RNF175: variants seen among roughly 807,000 people sequenced by gnomAD.
RNF175 encodes ring finger protein 175.
A neutral mutation model predicts 50.0 loss-of-function variants in RNF175; 38 were observed. The ratio of observed to expected loss-of-function variants is 0.76; its 90% CI spans 0.59 to 1.00. RNF175 has a LOEUF of 1.00. RNF175 is among the 50% of genes least tolerant of loss of function. The pLI is 0.00. For synonymous variants in RNF175, 155 were observed against 146.1 expected (o/e 1.06, Z -0.44); for missense variants, 388 against 409.6 (o/e 0.95, Z 0.46).
At chr4:153,731,389 G>A (rs1432253921) in intron 3 of RNF175, among the ~76,000 whole-genome samples, 1 of 152,202 alleles carries the variant, frequency 6.6e-6, no homozygotes, top group African/African-American at 2.4e-5. Context: ...ATCTGGGCAT[G>A]TGTGTATAAA....
intron 7 of RNF175, 159 bp downstream of exon 7, chr4:153,715,370 G>A: frequency 1.4e-6 from 1 of 726,080 alleles, no homozygotes; most frequent in Non-Finnish European, 2.5e-6. Context: ...TATTCAGCAG[G>A]GACAAACAGG....
chr4:153,723,512 G>A, intron 4 of RNF175, 54 bp from the exon 5 acceptor site: 1 of 759,842 alleles, frequency 1.3e-6, no homozygotes. Flanking sequence ...AGAAAAATGG[G>A]GAGAAACACA....
chr4:153,723,627 G>A (rs1738487728), intron 4 of RNF175, among the ~76,000 whole-genome samples, 169 bp from the exon 5 acceptor site: 2 of 152,164 alleles, frequency 1.3e-5, no homozygotes, highest in Admixed American at 6.5e-5. Context: ...ATAGCAATAA[G>A]CATTATATGA....
In RNF175 at chr4:153,710,335, A is replaced by G. The variant is rs1737477425; in HGVS notation, c.*34T>C. The G allele has an allele frequency of 6.6e-7, 1 of 1,506,858 alleles. No individual in the cohort carries two copies. The highest frequency in any genetic ancestry group is 8.9e-7 in the Non-Finnish European group (1 of 1,118,726). 93.3% of individuals were successfully genotyped at this position (1,506,858 alleles called of 1,614,324 possible). A position where few individuals can be genotyped will look rare whatever the true frequency, so the allele number is the denominator to read the frequency against. On this transcript the variant is annotated 3_prime_UTR_variant, in exon 9 of 9. Coordinates refer to ENST00000347063, the MANE Select transcript of RNF175 (RefSeq NM_173662.4). ...ATTAAATGTTGGACCAAGGATTTCA[A>G]CCATGCAGTATGTTGCTTCTGGGGT...
At chr4:153,756,585 A>AT (rs1303431282) in intron 1 of RNF175, among the ~76,000 whole-genome samples, 1 of 151,988 alleles carries the variant, frequency 6.6e-6, no homozygotes, top group African/African-American at 2.4e-5. Context: ...CTCCACCCCT[A>AT]TGGCTTCTAT....
At chr4:153,726,797 T>G (rs1466200311) in intron 4 of RNF175, among the ~76,000 whole-genome samples, 1 of 152,220 alleles carries the variant, frequency 6.6e-6, no homozygotes, top group Non-Finnish European at 1.5e-5. Context: ...TGATGTCTCT[T>G]CAAATGGCAG....
intron 2 of RNF175, among the ~76,000 whole-genome samples, chr4:153,750,259 G>A (rs948150957): frequency 6.6e-6 from 1 of 152,088 alleles, no homozygotes; most frequent in Admixed American, 6.5e-5. Context: ...ACACCACAGG[G>A]TAACAGTCTG....
intron 1 of RNF175, among the ~76,000 whole-genome samples, chr4:153,759,460 G>A (rs1193256794): frequency 6.6e-6 from 1 of 152,210 alleles, no homozygotes; most frequent in Non-Finnish European, 1.5e-5. Context: ...GGGCACAGGC[G>A]GTCACAAAGG....
Position 153,737,972 on chromosome 4 carries a change from G to A in RNF175, c.247-9611C>T, listed in dbSNP as rs191359993. Among the ~76,000 whole-genome samples, 172 of 152,278 alleles carry A rather than the reference G, an allele frequency of 1.1e-3. 1 individual carries two copies. The highest frequency in any genetic ancestry group is 3.9e-3 in the African/African-American group (163 of 41,554). ...TATCAGTTTTTGTCTCACATATTTT[G>A]ATGCTCTTTTGTTAGATGCATACAT... On this transcript the variant is annotated intron_variant, in intron 3 of 8. Coordinates refer to ENST00000347063, the MANE Select transcript of RNF175 (RefSeq NM_173662.4).
At chr4:153,724,750 G>T (rs1472231762) in intron 4 of RNF175, among the ~76,000 whole-genome samples, 1 of 151,992 alleles carries the variant, frequency 6.6e-6, no homozygotes, top group Non-Finnish European at 1.5e-5. Flanking sequence ...GGTTTAAATG[G>T]GTTGTGGGCT....
intron 2 of RNF175, among the ~76,000 whole-genome samples, chr4:153,749,529 A>G (rs1357254674): frequency 1.3e-5 from 2 of 152,238 alleles, no homozygotes. Flanking sequence ...CTTAAGTATT[A>G]TCTTAGACAT....
chr4:153,726,752 CTCT>C (rs1030981462), intron 4 of RNF175, among the ~76,000 whole-genome samples: 1 of 152,210 alleles, frequency 6.6e-6, no homozygotes, highest in African/African-American at 2.4e-5. Flanking sequence ...ATCCTGACTG[CTCT>C]TCTAGAAGAG....
intron 3 of RNF175, among the ~76,000 whole-genome samples, chr4:153,731,733 A>G (rs1368995789): frequency 6.6e-6 from 1 of 152,156 alleles, no homozygotes; most frequent in African/African-American, 2.4e-5. Context: ...AGAAAAAAAT[A>G]AATAAATTAT....
chr4:153,713,702 A>T (rs1450542976), intron 7 of RNF175: 3 of 152,208 alleles, frequency 2.0e-5, no homozygotes, highest in African/African-American at 7.2e-5. Flanking sequence ...CAATGTAACC[A>T]GGAGTTTCCA....
chr4:153,755,590 A>G (rs1740521939), intron 1 of RNF175, among the ~76,000 whole-genome samples: 2 of 152,188 alleles, frequency 1.3e-5, no homozygotes, highest in East Asian at 1.9e-4. Context: ...AAAAACCTCA[A>G]AGACATGGAA....
At chr4:153,745,575 A>G (rs1288147545) in intron 3 of RNF175, 1 of 152,234 alleles carries the variant, frequency 6.6e-6, no homozygotes, top group Admixed American at 6.5e-5. Flanking sequence ...CTACTAATGA[A>G]ACAACATTAG....
chr4:153,746,576 C>T (rs1365224646), intron 3 of RNF175, among the ~76,000 whole-genome samples: 1 of 152,130 alleles, frequency 6.6e-6, no homozygotes, highest in Non-Finnish European at 1.5e-5. Context: ...TTGCATGCTG[C>T]ATGCCCATAG....
At chr4:153,745,073 C>T (rs1739897086) in intron 3 of RNF175, among the ~76,000 whole-genome samples, 1 of 152,258 alleles carries the variant, frequency 6.6e-6, no homozygotes, top group South Asian at 2.1e-4. Context: ...CAAGTTGAGT[C>T]CCTCAGGCTC....
At chr4:153,754,590 T>C (rs994655685) in intron 1 of RNF175, among the ~76,000 whole-genome samples, 3 of 152,204 alleles carry the variant, frequency 2.0e-5, no homozygotes, top group South Asian at 4.1e-4. Context: ...TACCTGTGAA[T>C]GTGATCTTAT....
Sources: gnomAD v4.1 joint callset for allele counts (sites outside exome capture counted in the v4.1 genomes callset) on GRCh38, gnomAD v4.1.1 for gene constraint, MANE v1.5 for transcripts, NCBI Gene and HGNC (gene_info 2026-07-23, HGNC 2026-07-21) for gene names.